Variants in PRR5L observed in about 807,000 individuals in gnomAD.
PRR5L encodes the protein proline rich 5 like, also known as proline-rich protein 5-like.
PRR5L carries 21 observed loss-of-function variants against 36.4 expected under a neutral mutation model. The ratio of observed to expected loss-of-function variants is 0.58; its 90% CI spans 0.41 to 0.83. The LOEUF (loss-of-function observed/expected upper bound fraction) is 0.83. Among genes scored for constraint, PRR5L ranks in the 40% least tolerant of loss-of-function variants. The pLI, the probability that PRR5L is intolerant of heterozygous loss-of-function variation, is 0.00. For missense variants in PRR5L, 381 were observed against 473.3 expected, an observed-to-expected ratio of 0.80 and a Z score of 1.81; for synonymous variants, 188 against 197.0, an observed-to-expected ratio of 0.95 and a Z score of 0.38.
intron 8 of PRR5L, among the ~76,000 whole-genome samples, chr11:36,457,479 A>C (rs1228509326): frequency 6.6e-6 from 1 of 151,888 alleles, no homozygotes; most frequent in African/African-American, 2.4e-5. Flanking sequence ...GGTGGTGGGC[A>C]CCTGTAGTCC....
intron 6 of PRR5L, among the ~76,000 whole-genome samples, chr11:36,438,200 C>T (rs775278134): frequency 1.6e-4 from 25 of 152,288 alleles, no homozygotes; most frequent in African/African-American, 3.6e-4. Context: ...TTGAAGCCAC[C>T]GCTAAGGGAG....
chr11:36,345,214 G>A (rs778194992), intron 1 of PRR5L, among the ~76,000 whole-genome samples: 7 of 152,092 alleles, frequency 4.6e-5, no homozygotes, highest in Non-Finnish European at 2.9e-5. Flanking sequence ...GATAGGTAGA[G>A]GAAGAAGGGG....
chr11:36,349,279 CAAAAAAAA>C (rs56844732), intron 1 of PRR5L, among the ~76,000 whole-genome samples: 1 of 106,554 alleles, frequency 9.4e-6, no homozygotes, highest in Non-Finnish European at 1.8e-5. Flanking sequence ...AAGACTCTGC[CAAAAAAAA>C]AAAAAAAAAG....
intron 1 of PRR5L, among the ~76,000 whole-genome samples, chr11:36,347,754 T>C (rs756502059): frequency 7.9e-5 from 12 of 151,830 alleles, no homozygotes; most frequent in East Asian, 2.0e-4. Context: ...CCAGCCAGCA[T>C]GTAAGGGCGA....
chr11:36,364,054 G>T (rs537032829), intron 1 of PRR5L, among the ~76,000 whole-genome samples: 1 of 152,130 alleles, frequency 6.6e-6, no homozygotes, highest in East Asian at 1.9e-4. Context: ...ACAGACTAGT[G>T]GGGGCAGAAT....
chr11:36,363,537 T>C (rs1437940475), intron 1 of PRR5L, among the ~76,000 whole-genome samples: 1 of 152,206 alleles, frequency 6.6e-6, no homozygotes, highest in Non-Finnish European at 1.5e-5. Flanking sequence ...GACTCTTGTC[T>C]TTTCTTTTCC....
intron 7 of PRR5L, among the ~76,000 whole-genome samples, chr11:36,448,676 A>T (rs985950888): frequency 2.6e-5 from 4 of 152,124 alleles, no homozygotes; most frequent in African/African-American, 9.7e-5. Context: ...CCTCACACCC[A>T]TGTTGGTGAC....
intron 6 of PRR5L, among the ~76,000 whole-genome samples, chr11:36,445,933 T>C (rs1858818950): frequency 1.3e-5 from 2 of 152,214 alleles, no homozygotes; most frequent in African/African-American, 4.8e-5. Context: ...AGATATATTA[T>C]AGATGAAGTT....
chr11:36,419,405 C>T, intron 4 of PRR5L, 102 bp downstream of exon 4: 1 of 1,009,412 alleles, frequency 9.9e-7, no homozygotes, highest in South Asian at 1.3e-5. Flanking sequence ...CTTCAACAGA[C>T]AAAATTACGT....
At chr11:36,356,478 C>T (rs181605968) in intron 1 of PRR5L, among the ~76,000 whole-genome samples, 6 of 152,102 alleles carry the variant, frequency 3.9e-5, no homozygotes, top group East Asian at 1.9e-4. Context: ...TATTCTGCTT[C>T]GGTTTATTGC....
At chr11:36,422,780 T>C (rs189173605) in intron 4 of PRR5L, among the ~76,000 whole-genome samples, 1 of 152,318 alleles carries the variant, frequency 6.6e-6, no homozygotes, top group East Asian at 1.9e-4. Flanking sequence ...AGGCACTGGC[T>C]GGAAAAGTCT....
At chr11:36,317,347 C>CATA (rs1420243273) in intron 1 of PRR5L, among the ~76,000 whole-genome samples, 4 of 152,204 alleles carry the variant, frequency 2.6e-5, no homozygotes, top group Admixed American at 2.6e-4. Context: ...TGAGCCTATC[C>CATA]ATACAATGGG....
In PRR5L at chr11:36,427,060, G is replaced by A. The variant is rs1206005447; in HGVS notation, c.295-4793G>A. On this transcript the variant is annotated intron_variant, in intron 4 of 8. Transcript: ENST00000530639. ...TCCAACCCACCCTCTGTGATGACCCGGGAGGAGCTGGGTCTTTCCTGTCCA... is the reference window on the plus strand; with the variant it reads ...TCCAACCCACCCTCTGTGATGACCCAGGAGGAGCTGGGTCTTTCCTGTCCA... 1.3e-5 allele frequency among the ~76,000 whole-genome samples: 2 copies of A among 152,138 alleles called. 1 individual carries two copies. The highest frequency in any genetic ancestry group is 4.8e-5 in the African/African-American group (2 of 41,424).
chr11:36,348,471 C>G (rs1277907893), intron 1 of PRR5L, among the ~76,000 whole-genome samples: 1 of 152,068 alleles, frequency 6.6e-6, no homozygotes, highest in Non-Finnish European at 1.5e-5. Flanking sequence ...CTAACCAAGT[C>G]CCCGCCTCTT....
At chr11:36,396,509 A>C (rs1480483754) in intron 1 of PRR5L, among the ~76,000 whole-genome samples, 1 of 152,244 alleles carries the variant, frequency 6.6e-6, no homozygotes, top group Non-Finnish European at 1.5e-5. Flanking sequence ...CCAGAAGCAG[A>C]GGGAGCTGCT....
chr11:36,337,254 C>G (rs1856777452), intron 1 of PRR5L, among the ~76,000 whole-genome samples: 1 of 152,158 alleles, frequency 6.6e-6, no homozygotes, highest in Admixed American at 6.5e-5. Flanking sequence ...CATGAGGACT[C>G]CATCCTCCTG....
chr11:36,323,676 C>A (rs912328113), intron 1 of PRR5L, among the ~76,000 whole-genome samples: 7 of 152,134 alleles, frequency 4.6e-5, no homozygotes, highest in African/African-American at 1.4e-4. Context: ...TTAAAAGTGT[C>A]CTGGTTAATT....
chr11:36,302,245 A>G (rs1033919958), intron 1 of PRR5L, among the ~76,000 whole-genome samples: 1 of 152,184 alleles, frequency 6.6e-6, no homozygotes, highest in Non-Finnish European at 1.5e-5. Flanking sequence ...GACCTGAGGA[A>G]GAGTGATCCT....
At chr11:36,345,415 C>T (rs1466401846) in intron 1 of PRR5L, among the ~76,000 whole-genome samples, 1 of 152,050 alleles carries the variant, frequency 6.6e-6, no homozygotes, top group Non-Finnish European at 1.5e-5. Flanking sequence ...TTGCAGTGTA[C>T]CTGGAGCTGC....
Sources: allele counts gnomAD v4.1 joint callset (sites outside exome capture counted in the v4.1 genomes callset), GRCh38; gene constraint gnomAD v4.1.1; transcripts MANE v1.5; gene names NCBI Gene and HGNC (gene_info 2026-07-23, HGNC 2026-07-21).